Variants in PRKACB observed in about 807,000 individuals in gnomAD.
PRKACB encodes protein kinase cAMP-activated catalytic subunit beta.
A neutral mutation model predicts 51.4 loss-of-function variants in PRKACB; 16 were observed. That is an observed-to-expected ratio of 0.31 (90% CI 0.21 to 0.47). The LOEUF (loss-of-function observed/expected upper bound fraction) is 0.47. Among genes scored for constraint, PRKACB ranks in the 20% least tolerant of loss-of-function variants. PRKACB has a pLI of 1.00. For synonymous variants in PRKACB, 147 were observed against 154.4 expected, an observed-to-expected ratio of 0.95 and a Z score of 0.35; for missense variants, 309 against 464.5, an observed-to-expected ratio of 0.67 and a Z score of 3.08.
chr1:84,115,515 G>A (rs1650560565), intron 1 of PRKACB, among the ~76,000 whole-genome samples: 1 of 151,568 alleles, frequency 6.6e-6, no homozygotes, highest in Non-Finnish European at 1.5e-5. Context: ...CTGTGCAGAA[G>A]CTTTTTAGTT....
chr1:84,127,930 A>G (rs1285581379), intron 1 of PRKACB, among the ~76,000 whole-genome samples: 2 of 151,930 alleles, frequency 1.3e-5, no homozygotes, highest in African/African-American at 4.8e-5. Context: ...CATTGTGTAA[A>G]AAATAAAGAG....
chr1:84,193,784 T>A (rs1286858957), intron 5 of PRKACB, among the ~76,000 whole-genome samples: 1 of 152,200 alleles, frequency 6.6e-6, no homozygotes, highest in Non-Finnish European at 1.5e-5. Flanking sequence ...CAACTCTGAT[T>A]TAGTTGGGTA....
intron 1 of PRKACB, among the ~76,000 whole-genome samples, chr1:84,115,369 G>A (rs1340648343): frequency 2.0e-5 from 3 of 151,574 alleles, no homozygotes; most frequent in Non-Finnish European, 2.9e-5. Flanking sequence ...CTTTTTAATG[G>A]GATTATGTTT....
Position 84,159,744 on chromosome 1 carries a change from T to C in PRKACB, c.187+15196T>C, listed in dbSNP as rs1163425873. 2.6e-5 allele frequency among the ~76,000 whole-genome samples: 4 copies of C among 152,106 alleles called. No homozygotes were observed. In the East Asian group the frequency reaches 7.7e-4, roughly 29 times the overall value. On this transcript the variant is annotated intron_variant, in intron 1 of 9. Transcript: ENST00000370685. Reference sequence around the variant, plus strand: ...TTTCCCCTGCCCCACATGTCCTTTATCAGTTTGAGGAAGTTCCTTTCTAGT... The same window carrying C: ...TTTCCCCTGCCCCACATGTCCTTTACCAGTTTGAGGAAGTTCCTTTCTAGT...
intron 1 of PRKACB, among the ~76,000 whole-genome samples, chr1:84,116,191 T>C (rs778732769): frequency 3.9e-5 from 6 of 152,108 alleles, no homozygotes; most frequent in Non-Finnish European, 8.8e-5. Context: ...GTTCTCTATT[T>C]AGTTCCATTA....
chr1:84,190,301 G>GT, intron 5 of PRKACB, among the ~76,000 whole-genome samples: 1 of 151,704 alleles, frequency 6.6e-6, no homozygotes, highest in African/African-American at 2.4e-5. Flanking sequence ...TAACATAACT[G>GT]TAAGACTTTA....
intron 1 of PRKACB, among the ~76,000 whole-genome samples, chr1:84,100,993 ATT>A (rs1490569484): frequency 0.014 from 2,199 of 152,278 alleles, 52 homozygotes; most frequent in African/African-American, 0.05. Flanking sequence ...TTTTTACTTC[ATT>A]TAGTTTTCTC....
upstream of PRKACB, among the ~76,000 whole-genome samples, chr1:84,143,832 T>G (rs2100597034): frequency 6.6e-6 from 1 of 152,274 alleles, no homozygotes; most frequent in Middle Eastern, 3.4e-3. Flanking sequence ...AAATTTGTTT[T>G]GCAAGAGTTT....
At chr1:84,195,308 A>T (rs894426422) in intron 5 of PRKACB, among the ~76,000 whole-genome samples, 1 of 152,180 alleles carries the variant, frequency 6.6e-6, no homozygotes, top group South Asian at 2.1e-4. Flanking sequence ...TCTTTCAACA[A>T]ATATTTACTG....
chr1:84,140,326 T>A (rs919797660), upstream of PRKACB, among the ~76,000 whole-genome samples: 2 of 152,200 alleles, frequency 1.3e-5, no homozygotes, highest in Non-Finnish European at 2.9e-5. Flanking sequence ...TGAGTGAATA[T>A]TAAGATACAC....
At chr1:84,230,290 A>C (rs972080508) in intron 9 of PRKACB, among the ~76,000 whole-genome samples, 1 of 151,934 alleles carries the variant, frequency 6.6e-6, no homozygotes. Flanking sequence ...CCATTGATCT[A>C]TATCTCTGTT....
intron 1 of PRKACB, among the ~76,000 whole-genome samples, chr1:84,146,148 T>TG (rs1654037816): frequency 1.0e-5 from 1 of 98,442 alleles, no homozygotes; most frequent in Non-Finnish European, 2.8e-5. Context: ...CTGTTTTGTT[T>TG]TTTTTTTATT....
chr1:84,118,257 G>A (rs772501596), intron 1 of PRKACB, among the ~76,000 whole-genome samples: 9 of 152,026 alleles, frequency 5.9e-5, no homozygotes, highest in Non-Finnish European at 1.0e-4. Flanking sequence ...AATGTTCCCT[G>A]TGTGTTCTCC....
Position 84,235,477 on chromosome 1 carries a change from A to T in PRKACB, c.*172A>T, listed in dbSNP as rs2101735662. 1.3e-6 allele frequency: 1 copy of T among 754,738 alleles called. No homozygotes were observed. Among genetic ancestry groups the T allele is most frequent in the East Asian group, 2.8e-5 (1 of 35,850 alleles). The allele number at this position is 754,738 out of a possible 1,614,324, so 46.8% of individuals were successfully genotyped here. On this transcript the variant is annotated 3_prime_UTR_variant, in exon 10 of 10. Coordinates refer to ENST00000370685, the MANE Select transcript of PRKACB (RefSeq NM_182948.4). ...TGCGCACTCTGCATCCACCTATGTA[A>T]CAAGGCACCGCTAAGCAAGCATTGT...
intron 1 of PRKACB, among the ~76,000 whole-genome samples, chr1:84,094,219 A>G (rs1648749358): frequency 6.6e-6 from 1 of 151,988 alleles, no homozygotes; most frequent in Non-Finnish European, 1.5e-5. Flanking sequence ...GAAAATTTTT[A>G]AGATATCCTG....
rs571193515 is a variant in PRKACB at position 84,186,570 on chromosome 1, C to T, written c.560+1388C>T. Among the ~76,000 whole-genome samples the T allele has an allele frequency of 2.6e-5, 4 of 152,184 alleles. No homozygotes were observed. In the East Asian group the frequency reaches 7.7e-4, roughly 29 times the overall value. ...CCCTGAGTGCGTTATTCCCTGGCCC[C>T]TCGACTCTGATTTAGTTAGGTATGA... On this transcript the variant is annotated intron_variant, in intron 5 of 9. Coordinates refer to ENST00000370685, the MANE Select transcript of PRKACB (RefSeq NM_182948.4).
intron 1 of PRKACB, among the ~76,000 whole-genome samples, chr1:84,088,542 T>A (rs532630320): frequency 6.6e-6 from 1 of 152,330 alleles, no homozygotes; most frequent in East Asian, 1.9e-4. Flanking sequence ...AGATATTACT[T>A]CTTTTACAGG....
chr1:84,083,204 T>C (rs1194917747), intron 1 of PRKACB, among the ~76,000 whole-genome samples: 1 of 152,198 alleles, frequency 6.6e-6, no homozygotes, highest in Admixed American at 6.5e-5. Flanking sequence ...CAGATATTTG[T>C]TCCAATTCTG....
intron 7 of PRKACB, among the ~76,000 whole-genome samples, chr1:84,199,067 ATG>A: frequency 1.9e-5 from 1 of 52,054 alleles, no homozygotes; most frequent in Non-Finnish European, 7.3e-5. Context: ...ATGCGTATAT[ATG>A]CATATATGTA....
Sources: gnomAD v4.1 joint callset for allele counts (sites outside exome capture counted in the v4.1 genomes callset) on GRCh38, gnomAD v4.1.1 for gene constraint, MANE v1.5 for transcripts, NCBI Gene and HGNC (gene_info 2026-07-23, HGNC 2026-07-21) for gene names.